GRM8: variants seen among roughly 807,000 people sequenced by gnomAD.
GRM8 encodes the protein metabotropic glutamate receptor 8.
In GRM8, 47 loss-of-function variants were observed where a neutral mutation model predicts 87.2. The ratio of observed to expected loss-of-function variants is 0.54; its 90% CI spans 0.43 to 0.69. The LOEUF (loss-of-function observed/expected upper bound fraction) is 0.69, where lower values mean the gene tolerates loss of function less well. Among genes scored for constraint, GRM8 ranks in the 30% least tolerant of loss-of-function variants. GRM8 has a pLI of 0.00. For missense variants in GRM8, 1,019 were observed against 1,139.2 expected (o/e 0.89, Z 1.52); for synonymous variants, 396 against 404.5 (o/e 0.98, Z 0.25).
At chr7:126,819,853 A>G (rs1008818317) in intron 6 of GRM8, among the ~76,000 whole-genome samples, 4 of 145,388 alleles carry the variant, frequency 2.8e-5, no homozygotes, top group African/African-American at 1.0e-4. Context: ...CCATCAATAA[A>G]AAGAAAGCAA....
Position 126,533,580 on chromosome 7 carries a change from A to G in GRM8, c.1802T>C (p.Val601Ala), listed in dbSNP as rs755809435. Residue 601 changes from valine to alanine, a missense_variant, in exon 9 of 11, where the codon GTG (valine) becomes GCG (alanine). Transcript: ENST00000339582. The part of the protein sequence containing the change: ...AILGIIATTF[V>A]IVTFVRYNDT... ...ATTATAGCGGACAAAGGTCACGATCACAAAGGTGGTGGCGATGATTCCCAA... is the reference window on the plus strand; with the variant it reads ...ATTATAGCGGACAAAGGTCACGATCGCAAAGGTGGTGGCGATGATTCCCAA... 1.2e-6 allele frequency: 2 copies of G among 1,614,136 alleles called. No individual in the cohort carries two copies. Among genetic ancestry groups the G allele is most frequent in the South Asian group, 2.2e-5 (2 of 91,088 alleles).
At chr7:127,012,895 TAG>T (rs999998057) in intron 3 of GRM8, among the ~76,000 whole-genome samples, 2 of 152,154 alleles carry the variant, frequency 1.3e-5, no homozygotes, top group Non-Finnish European at 2.9e-5. Context: ...GAAGGTGTAT[TAG>T]CATCTTATTG....
intron 2 of GRM8, among the ~76,000 whole-genome samples, chr7:127,133,989 T>C (rs1343963703): frequency 6.6e-6 from 1 of 152,162 alleles, no homozygotes; most frequent in Non-Finnish European, 1.5e-5. Context: ...GTACACTACT[T>C]CCACCGCATT....
intron 7 of GRM8, among the ~76,000 whole-genome samples, 194 bp downstream of exon 7, chr7:126,769,671 C>T (rs375386529): frequency 3.3e-5 from 5 of 151,992 alleles, no homozygotes; most frequent in South Asian, 2.1e-4. Context: ...GCCTCCTTCA[C>T]GCATAGATTA....
intron 7 of GRM8, among the ~76,000 whole-genome samples, chr7:126,713,842 T>C (rs572190691): frequency 4.5e-4 from 68 of 152,178 alleles, no homozygotes; most frequent in African/African-American, 1.6e-3. Flanking sequence ...ACTGTATATG[T>C]ATATCTAATC....
At chr7:127,070,859 A>G (rs1405922395) in intron 3 of GRM8, among the ~76,000 whole-genome samples, 1 of 152,162 alleles carries the variant, frequency 6.6e-6, no homozygotes, top group Non-Finnish European at 1.5e-5. Flanking sequence ...AAAGCCCATA[A>G]TCTCTAGCCA....
chr7:126,534,920 T>A (rs1342842771), intron 8 of GRM8, among the ~76,000 whole-genome samples: 1 of 152,062 alleles, frequency 6.6e-6, no homozygotes, highest in Non-Finnish European at 1.5e-5. Context: ...CCTCGATACA[T>A]ATTTGTTGAA....
intron 3 of GRM8, among the ~76,000 whole-genome samples, chr7:127,068,255 G>A (rs577616054): frequency 7.9e-5 from 12 of 152,136 alleles, no homozygotes; most frequent in Non-Finnish European, 1.3e-4. Context: ...GGAACTTGTA[G>A]CCAGCATTCC....
At chr7:127,182,663 GTGTGTGTGTGTGTGTGTGTA>G (rs1367736977) in intron 2 of GRM8, among the ~76,000 whole-genome samples, 7 of 146,298 alleles carry the variant, frequency 4.8e-5, no homozygotes, top group Non-Finnish European at 1.0e-4. Context: ...GTGTGTGTGT[GTGTGTGTGTGTGTGTGTGTA>G]TAGACAGATA....
chr7:126,693,562 T>C (rs935922879), intron 7 of GRM8, among the ~76,000 whole-genome samples: 1 of 152,172 alleles, frequency 6.6e-6, no homozygotes, highest in Non-Finnish European at 1.5e-5. Context: ...TTCCAATCTA[T>C]TGACATTTAT....
At chr7:126,928,505 C>G (rs1805382595) in intron 3 of GRM8, among the ~76,000 whole-genome samples, 1 of 151,918 alleles carries the variant, frequency 6.6e-6, no homozygotes, top group Non-Finnish European at 1.5e-5. Context: ...AACCCCATCT[C>G]TACAAAAAAC....
chr7:127,081,722 T>A (rs1389324295), intron 3 of GRM8, among the ~76,000 whole-genome samples: 1 of 152,162 alleles, frequency 6.6e-6, no homozygotes, highest in Non-Finnish European at 1.5e-5. Context: ...AGATATCATT[T>A]GGGGAGTCAT....
chr7:127,133,963 G>A (rs952100776), intron 2 of GRM8, among the ~76,000 whole-genome samples: 2 of 152,080 alleles, frequency 1.3e-5, no homozygotes, highest in African/African-American at 2.4e-5. Context: ...TTGGCATCCA[G>A]GCAAATTCTG....
At chr7:126,648,511 G>C (rs1803430359) in intron 7 of GRM8, among the ~76,000 whole-genome samples, 1 of 152,186 alleles carries the variant, frequency 6.6e-6, no homozygotes, top group Non-Finnish European at 1.5e-5. Flanking sequence ...GTGGTCTGTA[G>C]TAGTTTTCTT....
chr7:127,018,052 G>A (rs1260466287), intron 3 of GRM8, among the ~76,000 whole-genome samples: 1 of 151,996 alleles, frequency 6.6e-6, no homozygotes, highest in African/African-American at 2.4e-5. Context: ...ATGGCCGCTG[G>A]CCTCAAGGAA....
intron 8 of GRM8, among the ~76,000 whole-genome samples, chr7:126,565,283 T>G (rs1411389223): frequency 6.6e-6 from 1 of 152,138 alleles, no homozygotes; most frequent in Non-Finnish European, 1.5e-5. Context: ...ATTTTATGTA[T>G]AGAAAACTCT....
At chr7:126,473,798 C>A (rs967390965) in intron 9 of GRM8, among the ~76,000 whole-genome samples, 1 of 151,990 alleles carries the variant, frequency 6.6e-6, no homozygotes, top group African/African-American at 2.4e-5. Context: ...AGGTTTTTCC[C>A]ATCTGTTCTC....
At chr7:126,643,752 A>G (rs3779541) in intron 7 of GRM8, among the ~76,000 whole-genome samples, 46,830 of 152,124 alleles carry the variant, frequency 0.31, 8,074 homozygotes, top group East Asian at 0.43. Flanking sequence ...ATTTAAAACT[A>G]GGAATTCAAC....
chr7:127,165,367 C>T (rs1371354514), intron 2 of GRM8, among the ~76,000 whole-genome samples: 2 of 151,550 alleles, frequency 1.3e-5, no homozygotes, highest in Non-Finnish European at 2.9e-5. Context: ...AAAAAGCCCT[C>T]TTAAATATAT....
Sources: gnomAD v4.1 joint callset for allele counts (sites outside exome capture counted in the v4.1 genomes callset) on GRCh38, gnomAD v4.1.1 for gene constraint, MANE v1.5 for transcripts, NCBI Gene and HGNC (gene_info 2026-07-23, HGNC 2026-07-21) for gene names.